The following HTR4 variants were observed in gnomAD, a reference collection of about 807,000 sequenced individuals.
HTR4 encodes 5-hydroxytryptamine (serotonin) receptor 4, G protein-coupled.
In HTR4, 16 loss-of-function variants were observed where a neutral mutation model predicts 36.8. The ratio of observed to expected loss-of-function variants is 0.43; its 90% confidence interval spans 0.29 to 0.66. HTR4 has a LOEUF of 0.66. HTR4 is among the 30% of genes least tolerant of loss of function. The pLI is 0.13. For missense variants in HTR4, 438 were observed against 490.9 expected (o/e 0.89, Z 1.02); for synonymous variants, 189 against 185.1 (o/e 1.02, Z -0.17).
chr5:148,516,978 G>A (rs1214042780), intron 5 of HTR4, among the ~76,000 whole-genome samples: 1 of 152,176 alleles, frequency 6.6e-6, no homozygotes, highest in Non-Finnish European at 1.5e-5. Flanking sequence ...AAAGGAAATA[G>A]TAGAGGTCTT....
chr5:148,555,025 T>C (rs1046858271), intron 2 of HTR4, among the ~76,000 whole-genome samples: 3 of 151,578 alleles, frequency 2.0e-5, no homozygotes, highest in Admixed American at 6.6e-5. Context: ...ATGCTTAAAA[T>C]GCTTATTTTA....
chr5:148,466,075 G>T, intron 5 of HTR4: 2 of 1,426,854 alleles, frequency 1.4e-6, no homozygotes, highest in Non-Finnish European at 1.9e-6. Context: ...TTTAGAGGAG[G>T]ATAAGGAGGG....
rs376309605 is a variant in HTR4 at position 148,588,679 on chromosome 5, T to C, written c.27-38417A>G. Among the ~76,000 whole-genome samples, 834 of 150,886 alleles carry C rather than the reference T, an allele frequency of 5.5e-3. 11 individuals carry two copies. The highest frequency in any genetic ancestry group is 0.019 in the African/African-American group (799 of 41,252). ...CCTCAGCCTCCCGAGTAGCTGGGAC[T>C]ACAGGCGCCCGCCACCGCGCCCGGC... On this transcript the variant is annotated intron_variant, in intron 2 of 6. Coordinates refer to ENST00000377888, the MANE Select transcript of HTR4 (RefSeq NM_000870.7).
intron 2 of HTR4, among the ~76,000 whole-genome samples, chr5:148,593,280 G>A (rs866370753): frequency 3.3e-5 from 5 of 152,254 alleles, no homozygotes; most frequent in Middle Eastern, 3.4e-3. Context: ...CAGGAGACCT[G>A]CCAGGGCAAA....
intron 1 of HTR4, among the ~76,000 whole-genome samples, chr5:148,653,332 C>A (rs1209023026): frequency 1.3e-5 from 2 of 152,166 alleles, no homozygotes; most frequent in Non-Finnish European, 2.9e-5. Flanking sequence ...TCATGCCTAC[C>A]ACTTTTTGAC....
chr5:148,595,830 A>G (rs1346900286), intron 2 of HTR4, among the ~76,000 whole-genome samples: 1 of 152,232 alleles, frequency 6.6e-6, no homozygotes, highest in Non-Finnish European at 1.5e-5. Context: ...ATTTATAAGG[A>G]CAAAAATCCA....
intron 2 of HTR4, among the ~76,000 whole-genome samples, chr5:148,612,642 T>C (rs1362433291): frequency 8.3e-6 from 1 of 121,184 alleles, no homozygotes; most frequent in Admixed American, 8.6e-5. Context: ...AGCAAACACA[T>C]TCAAAAGCTA....
intron 5 of HTR4, chr5:148,520,803 T>C (rs2113792698): frequency 1.7e-6 from 2 of 1,170,152 alleles, no homozygotes; most frequent in Middle Eastern, 2.3e-4. Flanking sequence ...ATGGTGAAAC[T>C]GACAGTTTAA....
At chr5:148,513,201 G>T (rs1205979558) in intron 5 of HTR4, among the ~76,000 whole-genome samples, 1 of 152,062 alleles carries the variant, frequency 6.6e-6, no homozygotes, top group African/African-American at 2.4e-5. Flanking sequence ...GTGTGGCTCA[G>T]ACTGGTCTCA....
intron 2 of HTR4, among the ~76,000 whole-genome samples, chr5:148,635,778 T>C (rs1444856209): frequency 2.0e-5 from 3 of 152,114 alleles, no homozygotes; most frequent in Non-Finnish European, 4.4e-5. Flanking sequence ...GGCAAATAAT[T>C]TCACAAACTT....
At chr5:148,537,747 C>T (rs1265953440) in intron 4 of HTR4, among the ~76,000 whole-genome samples, 1 of 152,058 alleles carries the variant, frequency 6.6e-6, no homozygotes. Flanking sequence ...TAATAGACAG[C>T]CTACCAACCA....
At chr5:148,633,486 A>G (rs11951880) in intron 2 of HTR4, among the ~76,000 whole-genome samples, 58,256 of 149,432 alleles carry the variant, frequency 0.39, 11,704 homozygotes, top group East Asian at 0.66. Flanking sequence ...CCATTAACTC[A>G]TCATCTAGCA....
intron 2 of HTR4, among the ~76,000 whole-genome samples, chr5:148,584,992 CAAT>C (rs1761295946): frequency 6.6e-6 from 1 of 152,086 alleles, no homozygotes; most frequent in South Asian, 2.1e-4. Flanking sequence ...GTAAAAGAAA[CAAT>C]AACTCAGAAA....
At chr5:148,524,955 A>G (rs889996543) in intron 4 of HTR4, among the ~76,000 whole-genome samples, 1 of 152,026 alleles carries the variant, frequency 6.6e-6, no homozygotes, top group Admixed American at 6.6e-5. Flanking sequence ...GAGGAGAAAT[A>G]CCCGCTTTCC....
chr5:148,496,365 G>C lies in HTR4; in HGVS notation c.1077-13072C>G, dbSNP rs530360373. Among the ~76,000 whole-genome samples the C allele has an allele frequency of 3.3e-5, 5 of 152,094 alleles. No homozygotes were observed. The South Asian group carries it at 1.0e-3, about 32-fold the overall frequency. ...GTGAGTGATCTGCAGATCATGCTTT[G>C]ATGGAAAAACGATCAAGAAAAATAA... On this transcript the variant is annotated intron_variant, in intron 6 of 6. Coordinates refer to ENST00000377888, the MANE Select transcript of HTR4 (RefSeq NM_000870.7).
intron 1 of HTR4, among the ~76,000 whole-genome samples, chr5:148,643,716 T>C (rs2127314117): frequency 6.6e-6 from 1 of 152,286 alleles, no homozygotes; most frequent in East Asian, 1.9e-4. Flanking sequence ...AGCTTTGTCT[T>C]TGTGGCTCCA....
At chr5:148,568,718 G>C (rs1185952283) in intron 2 of HTR4, among the ~76,000 whole-genome samples, 2 of 152,144 alleles carry the variant, frequency 1.3e-5, no homozygotes, top group East Asian at 3.9e-4. Flanking sequence ...GTTATGGGAG[G>C]ACACATTAGT....
intron 1 of HTR4, among the ~76,000 whole-genome samples, chr5:148,642,750 G>A (rs1753766638): frequency 6.6e-6 from 1 of 152,080 alleles, no homozygotes; most frequent in Non-Finnish European, 1.5e-5. Flanking sequence ...TGGAAGAAAA[G>A]AATCCTCTCC....
intron 6 of HTR4, among the ~76,000 whole-genome samples, chr5:148,498,049 T>A (rs2113748192): frequency 6.6e-6 from 1 of 152,344 alleles, no homozygotes; most frequent in East Asian, 1.9e-4. Flanking sequence ...TGCTACTGTG[T>A]ACACTAGTTA....
Sources: gnomAD v4.1 joint callset for allele counts (sites outside exome capture counted in the v4.1 genomes callset) on GRCh38, gnomAD v4.1.1 for gene constraint, MANE v1.5 for transcripts, NCBI Gene and HGNC (gene_info 2026-07-23, HGNC 2026-07-21) for gene names.